GHR: variants seen among roughly 807,000 people sequenced by gnomAD.
GHR encodes growth hormone receptor.
Under a neutral mutation model 67.1 loss-of-function variants are expected in GHR, and 35 were observed. That is an observed-to-expected ratio of 0.52 (90% CI 0.40 to 0.69). The LOEUF is 0.69. Ranked by LOEUF, GHR falls within the 30% of genes least tolerant of loss-of-function variation. The pLI is 0.00. For missense variants in GHR, 792 were observed against 764.6 expected (o/e 1.04, Z -0.42); for synonymous variants, 272 against 269.1 (o/e 1.01, Z -0.10).
chr5:42,674,652 A>G (rs1290044797), intron 3 of GHR, among the ~76,000 whole-genome samples: 1 of 152,180 alleles, frequency 6.6e-6, no homozygotes, highest in Admixed American at 6.5e-5. Context: ...ACATATTTTC[A>G]AGGTCATTCG....
Position 42,576,532 on chromosome 5 carries a change from G to A in GHR, c.70+10588G>A, listed in dbSNP as rs571456534. The stretch of plus-strand genomic sequence containing the variant: ...TGAGTTATTATTGCAAGCCCTGAGG[G>A]CTGAATAAACATGCAAACTAAACTG... On this transcript the variant is annotated intron_variant, in intron 2 of 9. Transcript: ENST00000230882. 2.0e-5 allele frequency among the ~76,000 whole-genome samples: 3 copies of A among 152,248 alleles called. No individual in the cohort carries two copies. In the East Asian group the frequency reaches 5.8e-4, roughly 29 times the overall value.
At chr5:42,683,145 G>A (rs1412681430) in intron 3 of GHR, among the ~76,000 whole-genome samples, 8 of 152,120 alleles carry the variant, frequency 5.3e-5, no homozygotes, top group Admixed American at 3.9e-4. Flanking sequence ...GGGATTACAG[G>A]TGCATGCCAC....
At chr5:42,643,823 T>C (rs1754598402) in intron 3 of GHR, among the ~76,000 whole-genome samples, 1 of 152,054 alleles carries the variant, frequency 6.6e-6, no homozygotes, top group South Asian at 2.1e-4. Context: ...GATATCAGTA[T>C]ATGATTCATC....
At chr5:42,425,838 A>C (rs113698675) in intron 1 of GHR, among the ~76,000 whole-genome samples, 1 of 152,212 alleles carries the variant, frequency 6.6e-6, no homozygotes, top group Non-Finnish European at 1.5e-5. Context: ...TGGAGTAAAT[A>C]TATCACAGTG....
rs6892685 is a variant in GHR at position 42,685,849 on chromosome 5, T to A, written c.137-3041T>A. Among the ~76,000 whole-genome samples the A allele has an allele frequency of 6.6e-3, 1,003 of 152,304 alleles. 11 individuals are homozygous for A. Among genetic ancestry groups the A allele is most frequent in the African/African-American group, 0.023 (959 of 41,566 alleles). ...GTAGATTCTGGATATTAGCCCTTTG[T>A]CAGATGGGCAGATTGCAAAAATATT... On this transcript the variant is annotated intron_variant, in intron 3 of 9. Transcript: ENST00000230882.
intron 3 of GHR, among the ~76,000 whole-genome samples, chr5:42,650,402 A>G (rs1473317647): frequency 6.6e-6 from 1 of 152,076 alleles, no homozygotes; most frequent in Non-Finnish European, 1.5e-5. Flanking sequence ...CACTGTATTA[A>G]ATTAAATTAG....
intron 2 of GHR, among the ~76,000 whole-genome samples, chr5:42,571,467 T>C (rs1249076472): frequency 6.6e-6 from 1 of 152,206 alleles, no homozygotes; most frequent in Non-Finnish European, 1.5e-5. Context: ...TGCTAGAGTA[T>C]GTACTTACTC....
intron 6 of GHR, among the ~76,000 whole-genome samples, chr5:42,708,250 C>T (rs1758277344): frequency 6.6e-6 from 1 of 152,044 alleles, no homozygotes; most frequent in South Asian, 2.1e-4. Context: ...TCCTCATTTT[C>T]CTCATTATTT....
At chr5:42,601,604 T>G (rs534421239) in intron 2 of GHR, among the ~76,000 whole-genome samples, 1 of 152,166 alleles carries the variant, frequency 6.6e-6, no homozygotes, top group Non-Finnish European at 1.5e-5. Context: ...TTCCAAATTC[T>G]TATTAAAGCA....
intron 6 of GHR, among the ~76,000 whole-genome samples, chr5:42,703,584 A>G (rs576018372): frequency 3.2e-4 from 49 of 152,152 alleles, no homozygotes; most frequent in African/African-American, 1.1e-3. Context: ...TATTTCTGTG[A>G]AAAATGACAT....
chr5:42,533,484 T>G (rs1748070996), intron 1 of GHR, among the ~76,000 whole-genome samples: 1 of 151,970 alleles, frequency 6.6e-6, no homozygotes, highest in Admixed American at 6.6e-5. Flanking sequence ...TAATATTTTT[T>G]ATTACTCTAG....
intron 1 of GHR, among the ~76,000 whole-genome samples, chr5:42,427,319 A>C (rs1274190382): frequency 6.6e-6 from 1 of 152,228 alleles, no homozygotes; most frequent in Non-Finnish European, 1.5e-5. Context: ...TCATGGCGGA[A>C]GGTGAAGGAG....
At chr5:42,612,957 T>C (rs937294026) in intron 2 of GHR, among the ~76,000 whole-genome samples, 2 of 152,130 alleles carry the variant, frequency 1.3e-5, no homozygotes, top group African/African-American at 4.8e-5. Context: ...GATGTAGAAC[T>C]CCTGCATATC....
intron 1 of GHR, chr5:42,467,399 T>C: frequency 1.1e-6 from 1 of 926,916 alleles, no homozygotes; most frequent in South Asian, 1.4e-5. Flanking sequence ...TTCTCCCCAG[T>C]GTGGATCCTC....
chr5:42,566,513 C>G (rs1377093993), intron 2 of GHR, among the ~76,000 whole-genome samples: 1 of 152,126 alleles, frequency 6.6e-6, no homozygotes, highest in East Asian at 1.9e-4. Flanking sequence ...TATAATTCTC[C>G]CTCCCTTTTT....
chr5:42,590,859 C>G (rs1333476452), intron 2 of GHR, among the ~76,000 whole-genome samples: 1 of 152,178 alleles, frequency 6.6e-6, no homozygotes, highest in Non-Finnish European at 1.5e-5. Flanking sequence ...CTTGCTTTCT[C>G]TATTGGATTT....
chr5:42,481,464 A>G (rs1745632291), intron 1 of GHR, among the ~76,000 whole-genome samples: 1 of 152,154 alleles, frequency 6.6e-6, no homozygotes, highest in African/African-American at 2.4e-5. Context: ...GTTCACCTGG[A>G]TAATATCCTG....
intron 2 of GHR, among the ~76,000 whole-genome samples, chr5:42,625,264 G>T (rs1232175971): frequency 6.6e-6 from 1 of 151,968 alleles, no homozygotes; most frequent in Non-Finnish European, 1.5e-5. Context: ...TTTTATATCA[G>T]AAATAGATTT....
intron 2 of GHR, among the ~76,000 whole-genome samples, chr5:42,599,197 C>G (rs953213675): frequency 1.3e-5 from 2 of 152,056 alleles, no homozygotes; most frequent in Non-Finnish European, 2.9e-5. Flanking sequence ...GTGACTATGT[C>G]AGATTAGGTA....
Sources: gnomAD v4.1 joint callset for allele counts (sites outside exome capture counted in the v4.1 genomes callset) on GRCh38, gnomAD v4.1.1 for gene constraint, MANE v1.5 for transcripts, NCBI Gene and HGNC (gene_info 2026-07-23, HGNC 2026-07-21) for gene names.